CORO2B: variants seen among roughly 807,000 people sequenced by gnomAD.
CORO2B encodes the protein coronin-2B.
Under a neutral mutation model 58.8 loss-of-function variants are expected in CORO2B, and 26 were observed. That is an observed-to-expected ratio of 0.44 (90% CI 0.32 to 0.61). CORO2B has a LOEUF of 0.61. Among genes scored for constraint, CORO2B ranks in the 20% least tolerant of loss-of-function variants. The pLI is 0.04. For synonymous variants in CORO2B, 242 were observed against 253.8 expected, an observed-to-expected ratio of 0.95 and a Z score of 0.44; for missense variants, 460 against 645.1, an observed-to-expected ratio of 0.71 and a Z score of 3.11.
At chr15:68,608,986 C>T (rs930840771) in intron 1 of CORO2B, among the ~76,000 whole-genome samples, 1 of 152,190 alleles carries the variant, frequency 6.6e-6, no homozygotes, top group Non-Finnish European at 1.5e-5. Context: ...AACTCAGACC[C>T]TATCCTCAAG....
At chr15:68,631,065 TG>T (rs1042862021) in intron 1 of CORO2B, among the ~76,000 whole-genome samples, 30 of 152,166 alleles carry the variant, frequency 2.0e-4, no homozygotes, top group Admixed American at 1.6e-3. Context: ...GCAGGGCGGT[TG>T]GGGGTAGGGG....
At chr15:68,591,621 G>C (rs951260597) in intron 1 of CORO2B, among the ~76,000 whole-genome samples, 5 of 152,210 alleles carry the variant, frequency 3.3e-5, no homozygotes, top group African/African-American at 1.2e-4. Flanking sequence ...TATGTGCAAT[G>C]AGGCGGGGAA....
chr15:68,591,820 G>T (rs1414547219), intron 1 of CORO2B, among the ~76,000 whole-genome samples: 1 of 152,182 alleles, frequency 6.6e-6, no homozygotes, highest in Admixed American at 6.5e-5. Context: ...ATAGGAGGGG[G>T]CAGAGGACCA....
intron 2 of CORO2B, among the ~76,000 whole-genome samples, chr15:68,660,390 T>G (rs1256033397): frequency 6.6e-6 from 1 of 152,168 alleles, no homozygotes; most frequent in Non-Finnish European, 1.5e-5. Flanking sequence ...ATCTTTTTTT[T>G]GGCAGGCTCT....
At chr15:68,724,449 A>G (rs1484327797) in intron 11 of CORO2B, among the ~76,000 whole-genome samples, 1 of 152,138 alleles carries the variant, frequency 6.6e-6, no homozygotes, top group African/African-American at 2.4e-5. Context: ...TTTTTGAGAC[A>G]TTGAGGTATA....
intron 2 of CORO2B, among the ~76,000 whole-genome samples, chr15:68,647,899 TG>T (rs1460934529): frequency 5.2e-4 from 79 of 151,094 alleles, no homozygotes; most frequent in Middle Eastern, 3.4e-3. Context: ...CATGATGGCT[TG>T]CCCTGAAGTC....
chr15:68,643,901 G>GT (rs2140271742), intron 1 of CORO2B, among the ~76,000 whole-genome samples: 1 of 152,206 alleles, frequency 6.6e-6, no homozygotes, highest in South Asian at 2.1e-4. Flanking sequence ...GCTGGGCGTG[G>GT]TGGTGGGCCC....
chr15:68,581,405 C>T (rs577190588), intron 1 of CORO2B, among the ~76,000 whole-genome samples: 1 of 152,234 alleles, frequency 6.6e-6, no homozygotes, highest in Admixed American at 6.5e-5. Flanking sequence ...AGGAAAGGCA[C>T]TGGGGACTGC....
chr15:68,610,363 C>T (rs746663746), intron 1 of CORO2B, among the ~76,000 whole-genome samples: 2 of 152,162 alleles, frequency 1.3e-5, no homozygotes, highest in Non-Finnish European at 2.9e-5. Flanking sequence ...TGGGGGCTGG[C>T]TTGGGCCCTG....
intron 4 of CORO2B, 71 bp from the exon 5 acceptor site, chr15:68,711,471 G>A (rs1174527643): frequency 7.8e-6 from 11 of 1,418,892 alleles, no homozygotes; most frequent in Non-Finnish European, 1.1e-5. Flanking sequence ...GCAGTCAAGT[G>A]TGCACTGGGG....
the CORO2B span, among the ~76,000 whole-genome samples, chr15:68,528,067 A>T: frequency 6.6e-6 from 1 of 152,174 alleles, no homozygotes; most frequent in African/African-American, 2.4e-5. Context: ...TATGTACACA[A>T]TTATGTTGTC....
intron 2 of CORO2B, among the ~76,000 whole-genome samples, chr15:68,688,437 G>A (rs1404475589): frequency 1.3e-5 from 2 of 152,072 alleles, no homozygotes; most frequent in Non-Finnish European, 2.9e-5. Flanking sequence ...CAAAGTGAAT[G>A]CTCTTTGAAG....
At chr15:68,568,286 C>T in the CORO2B span, among the ~76,000 whole-genome samples, 1 of 150,114 alleles carries the variant, frequency 6.7e-6, no homozygotes, top group African/African-American at 2.4e-5. Flanking sequence ...ATCCCCACAA[C>T]AATGCTTCAT....
chr15:68,644,740 G>C (rs906511222), intron 1 of CORO2B, among the ~76,000 whole-genome samples: 1 of 152,074 alleles, frequency 6.6e-6, no homozygotes, highest in African/African-American at 2.4e-5. Flanking sequence ...CCTCAATCTT[G>C]GTAAACACTG....
At chr15:68,555,418 T>G in the CORO2B span, among the ~76,000 whole-genome samples, 2 of 152,118 alleles carry the variant, frequency 1.3e-5, no homozygotes, top group Non-Finnish European at 2.9e-5. Flanking sequence ...ACCACTTATG[T>G]CAAAGCCATG....
At chr15:68,629,121 T>A (rs562014795) in intron 1 of CORO2B, among the ~76,000 whole-genome samples, 1 of 152,360 alleles carries the variant, frequency 6.6e-6, no homozygotes, top group African/African-American at 2.4e-5. Flanking sequence ...GAGTGCCGAA[T>A]GTATCTTGCA....
At chr15:68,649,391 T>G (rs1901561912) in intron 2 of CORO2B, among the ~76,000 whole-genome samples, 1 of 152,182 alleles carries the variant, frequency 6.6e-6, no homozygotes, top group African/African-American at 2.4e-5. Context: ...TGAGTGATTG[T>G]GTAGCAATTT....
chr15:68,572,243 A>G, the CORO2B span, among the ~76,000 whole-genome samples: 1 of 152,228 alleles, frequency 6.6e-6, no homozygotes, highest in South Asian at 2.1e-4. Flanking sequence ...GAGTGCAGGA[A>G]GTCCAGGATG....
the CORO2B span, among the ~76,000 whole-genome samples, chr15:68,552,828 G>A: frequency 6.6e-6 from 1 of 152,186 alleles, no homozygotes; most frequent in African/African-American, 2.4e-5. Flanking sequence ...CTATTGGATT[G>A]CTGGGGTCAC....
Sources: allele counts gnomAD v4.1 joint callset (sites outside exome capture counted in the v4.1 genomes callset), GRCh38; gene constraint gnomAD v4.1.1; transcripts MANE v1.5; gene names NCBI Gene and HGNC (gene_info 2026-07-23, HGNC 2026-07-21).